The following SGCZ variants were observed in gnomAD, a reference collection of about 807,000 sequenced individuals.
SGCZ encodes zeta-sarcoglycan.
SGCZ carries 40 observed loss-of-function variants against 41.3 expected under a neutral mutation model. That is an observed-to-expected ratio of 0.97 (90% CI 0.75 to 1.26). SGCZ has a LOEUF of 1.26. Ranked by LOEUF, SGCZ falls within the 50% of genes most tolerant of loss-of-function variation. The pLI is 0.00. For missense variants in SGCZ, 552 were observed against 369.8 expected, an observed-to-expected ratio of 1.49 and a Z score of -4.04; for synonymous variants, 206 against 137.5, an observed-to-expected ratio of 1.50 and a Z score of -3.49.
intron 1 of SGCZ, among the ~76,000 whole-genome samples, chr8:14,611,150 C>A (rs1001049958): frequency 6.6e-6 from 1 of 152,088 alleles, no homozygotes; most frequent in African/African-American, 2.4e-5. Flanking sequence ...GAATATATTT[C>A]TCATTTTACA....
At chr8:14,723,060 C>T (rs1809940631) in intron 1 of SGCZ, among the ~76,000 whole-genome samples, 1 of 152,068 alleles carries the variant, frequency 6.6e-6, no homozygotes, top group African/African-American at 2.4e-5. Context: ...GTCCATTTTG[C>T]TAGGCAGGTT....
At chr8:14,610,588 A>T (rs990854474) in intron 1 of SGCZ, among the ~76,000 whole-genome samples, 4 of 152,160 alleles carry the variant, frequency 2.6e-5, no homozygotes, top group African/African-American at 9.7e-5. Context: ...ATCTGATGTC[A>T]TCTTAATTCT....
chr8:15,003,636 A>G (rs1160675292), intron 1 of SGCZ, among the ~76,000 whole-genome samples: 4 of 152,202 alleles, frequency 2.6e-5, no homozygotes, highest in Non-Finnish European at 5.9e-5. Context: ...CTATGAAAAC[A>G]TAACATGTTT....
chr8:15,128,141 A>G (rs1807771360), intron 1 of SGCZ, among the ~76,000 whole-genome samples: 1 of 152,148 alleles, frequency 6.6e-6, no homozygotes, highest in African/African-American at 2.4e-5. Flanking sequence ...TCATTCCACA[A>G]GAGCTGGACC....
At chr8:14,482,766 C>T (rs1372849156) in intron 2 of SGCZ, among the ~76,000 whole-genome samples, 2 of 152,008 alleles carry the variant, frequency 1.3e-5, no homozygotes, top group Non-Finnish European at 2.9e-5. Flanking sequence ...AGGTAGAATG[C>T]TGTCTCTCTG....
intron 2 of SGCZ, among the ~76,000 whole-genome samples, chr8:14,552,355 T>C (rs1347324297): frequency 6.6e-6 from 1 of 152,082 alleles, no homozygotes; most frequent in African/African-American, 2.4e-5. Context: ...GTGTGTTACC[T>C]TACAAAGAGT....
chr8:15,039,821 A>G (rs1804015528), intron 1 of SGCZ, among the ~76,000 whole-genome samples: 1 of 152,200 alleles, frequency 6.6e-6, no homozygotes, highest in African/African-American at 2.4e-5. Context: ...CTTCCATTTT[A>G]CATACGTATG....
chr8:14,576,397 C>T (rs986795642), intron 1 of SGCZ, among the ~76,000 whole-genome samples: 2 of 152,004 alleles, frequency 1.3e-5, no homozygotes, highest in African/African-American at 4.8e-5. Context: ...AATGGGGGGA[C>T]CCAGGTTCTG....
intron 1 of SGCZ, among the ~76,000 whole-genome samples, chr8:15,055,353 T>A (rs1016980178): frequency 6.6e-6 from 1 of 152,250 alleles, no homozygotes; most frequent in African/African-American, 2.4e-5. Context: ...ATTATTTTTA[T>A]TCTTTTTGTT....
chr8:14,732,274 G>A (rs145853746), intron 1 of SGCZ, among the ~76,000 whole-genome samples: 49 of 152,012 alleles, frequency 3.2e-4, no homozygotes, highest in African/African-American at 1.1e-3. Context: ...ATCCTTTCAA[G>A]GAATGACAGG....
intron 2 of SGCZ, among the ~76,000 whole-genome samples, chr8:14,409,030 G>T (rs1461843): frequency 1.2e-4 from 18 of 151,180 alleles, no homozygotes; most frequent in Non-Finnish European, 2.4e-4. Flanking sequence ...TAGGTTTTCA[G>T]TTCCAGGATC....
chr8:15,174,794 C>T (rs923215189), intron 1 of SGCZ, among the ~76,000 whole-genome samples: 3 of 152,104 alleles, frequency 2.0e-5, no homozygotes, highest in African/African-American at 4.8e-5. Flanking sequence ...CCTTGACTAG[C>T]GACTTATTAC....
intron 4 of SGCZ, among the ~76,000 whole-genome samples, chr8:14,200,668 A>G (rs1048844650): frequency 2.6e-5 from 4 of 152,174 alleles, no homozygotes; most frequent in Admixed American, 1.3e-4. Context: ...TAGAAAAAAT[A>G]AGTCAAAATA....
chr8:14,849,925 C>A (rs73201277), intron 1 of SGCZ, among the ~76,000 whole-genome samples: 1,933 of 152,182 alleles, frequency 0.013, 19 homozygotes, highest in Non-Finnish European at 0.02. Flanking sequence ...ATTTCTTTAT[C>A]TTCAAATCAC....
chr8:15,005,868 G>A (rs746872071), intron 1 of SGCZ, among the ~76,000 whole-genome samples: 2 of 152,222 alleles, frequency 1.3e-5, no homozygotes, highest in Non-Finnish European at 2.9e-5. Flanking sequence ...TGACATTTCA[G>A]ATTCTTAGGA....
chr8:14,786,929 G>A (rs1240545396), intron 1 of SGCZ, among the ~76,000 whole-genome samples: 1 of 151,848 alleles, frequency 6.6e-6, no homozygotes, highest in Non-Finnish European at 1.5e-5. Context: ...ATTAGAGGAG[G>A]GGAAAGGGTA....
At chr8:14,529,152 T>C (rs1316996276) in intron 2 of SGCZ, among the ~76,000 whole-genome samples, 1 of 152,164 alleles carries the variant, frequency 6.6e-6, no homozygotes, top group Admixed American at 6.6e-5. Context: ...GTATGTCCAC[T>C]TCATATTCAA....
intron 1 of SGCZ, among the ~76,000 whole-genome samples, chr8:14,980,798 G>C (rs1018707669): frequency 6.6e-6 from 1 of 152,138 alleles, no homozygotes. Context: ...TTCAAGATGA[G>C]ATATGGGTGG....
chr8:14,936,870 T>C (rs550800015), intron 1 of SGCZ, among the ~76,000 whole-genome samples: 21 of 152,036 alleles, frequency 1.4e-4, no homozygotes, highest in African/African-American at 5.1e-4. Flanking sequence ...TGGGACTATA[T>C]ATCAAAATCT....
Sources: gnomAD v4.1 joint callset for allele counts (sites outside exome capture counted in the v4.1 genomes callset) on GRCh38, gnomAD v4.1.1 for gene constraint, MANE v1.5 for transcripts, NCBI Gene and HGNC (gene_info 2026-07-23, HGNC 2026-07-21) for gene names.